Variants in TSPAN18 observed in about 807,000 individuals in gnomAD.
The protein encoded by TSPAN18 is tetraspanin 18, also known as tetraspanin-18.
Under a neutral mutation model 27.3 loss-of-function variants are expected in TSPAN18, and 14 were observed. The ratio of observed to expected loss-of-function variants is 0.51; its 90% confidence interval spans 0.34 to 0.80. The LOEUF (loss-of-function observed/expected upper bound fraction) is 0.80, where lower values mean the gene tolerates loss of function less well. TSPAN18 is among the 30% of genes least tolerant of loss of function. The pLI is 0.01. For missense variants in TSPAN18, 268 were observed against 323.9 expected, an observed-to-expected ratio of 0.83 and a Z score of 1.32; for synonymous variants, 143 against 136.5, an observed-to-expected ratio of 1.05 and a Z score of -0.33.
At chr11:44,871,337 T>G (rs963206202) in intron 3 of TSPAN18, among the ~76,000 whole-genome samples, 2 of 152,154 alleles carry the variant, frequency 1.3e-5, no homozygotes, top group Non-Finnish European at 2.9e-5. Context: ...AAGCAAGCTC[T>G]CCTGTCTTTT....
intron 2 of TSPAN18, among the ~76,000 whole-genome samples, chr11:44,810,335 T>C (rs189072430): frequency 6.6e-6 from 1 of 152,264 alleles, no homozygotes; most frequent in East Asian, 1.9e-4. Context: ...CTCTTCCTTC[T>C]CTATGGATTT....
At chr11:44,732,814 G>A (rs1464399034) in intron 1 of TSPAN18, among the ~76,000 whole-genome samples, 1 of 152,212 alleles carries the variant, frequency 6.6e-6, no homozygotes, top group African/African-American at 2.4e-5. Flanking sequence ...TTCCTTATCT[G>A]TGAAAATCAG....
At chr11:44,731,500 T>G (rs1457656765) in intron 1 of TSPAN18, among the ~76,000 whole-genome samples, 2 of 151,928 alleles carry the variant, frequency 1.3e-5, no homozygotes, top group Non-Finnish European at 2.9e-5. Context: ...TCAATAAGTG[T>G]TCACTATCAT....
intron 2 of TSPAN18, among the ~76,000 whole-genome samples, chr11:44,843,171 C>CA (rs1443855716): frequency 6.6e-6 from 1 of 152,112 alleles, no homozygotes; most frequent in Non-Finnish European, 1.5e-5. Flanking sequence ...GGACCTGCCC[C>CA]AATAATCACA....
At chr11:44,754,747 G>C (rs181434907) in intron 1 of TSPAN18, among the ~76,000 whole-genome samples, 5 of 152,228 alleles carry the variant, frequency 3.3e-5, no homozygotes, top group Admixed American at 3.3e-4. Flanking sequence ...TGAGCTGTGC[G>C]GTGTAGGAGA....
chr11:44,749,013 G>A (rs1207010501), intron 1 of TSPAN18, among the ~76,000 whole-genome samples: 1 of 152,226 alleles, frequency 6.6e-6, no homozygotes, highest in East Asian at 1.9e-4. Context: ...GGTGCATGGT[G>A]AGGCTAGGTA....
chr11:44,790,414 CAT>C (rs1491392441), intron 2 of TSPAN18, among the ~76,000 whole-genome samples: 7 of 120,894 alleles, frequency 5.8e-5, no homozygotes, highest in African/African-American at 1.6e-4. Flanking sequence ...TACGTGTGTG[CAT>C]GTGTGTGCAT....
chr11:44,929,499 C>T lies in TSPAN18; in HGVS notation c.*321C>T, dbSNP rs1410922392. 2.8e-6 allele frequency: 1 copy of T among 354,570 alleles called. No individual in the cohort carries two copies. The highest frequency in any genetic ancestry group is 5.1e-6 in the Non-Finnish European group (1 of 195,788). 22.0% of individuals were successfully genotyped at this position (354,570 alleles called of 1,614,324 possible). On this transcript the variant is annotated 3_prime_UTR_variant, in exon 10 of 10. Transcript: ENST00000520358. ...CAGCGCCCTCTTTGGTCCAGCCAGA[C>T]CCTGGGCCCTCTCTCCTCACTGCAC...
intron 2 of TSPAN18, among the ~76,000 whole-genome samples, chr11:44,819,933 G>T (rs1208634344): frequency 6.6e-6 from 1 of 152,108 alleles, no homozygotes; most frequent in African/African-American, 2.4e-5. Context: ...AAAGGGAGTT[G>T]ATTTGCTCAA....
At chr11:44,834,044 C>T (rs956765547) in intron 2 of TSPAN18, among the ~76,000 whole-genome samples, 2 of 151,652 alleles carry the variant, frequency 1.3e-5, no homozygotes, top group African/African-American at 4.9e-5. Flanking sequence ...TGCCCAGCTA[C>T]AAGCAGTCCC....
chr11:44,843,688 C>G (rs1857422669), intron 2 of TSPAN18, among the ~76,000 whole-genome samples: 1 of 152,194 alleles, frequency 6.6e-6, no homozygotes, highest in Admixed American at 6.5e-5. Context: ...GTTCAGAGAC[C>G]TACCCCTAGG....
chr11:44,908,806 A>AGAAAGAAAGAAG (rs1859586667), intron 4 of TSPAN18, among the ~76,000 whole-genome samples: 4 of 114,502 alleles, frequency 3.5e-5, no homozygotes, highest in Non-Finnish European at 7.1e-5. Flanking sequence ...AAAGAAAGAA[A>AGAAAGAAAGAAG]GAAAGAAAGA....
chr11:44,837,768 A>C (rs1490611672), intron 2 of TSPAN18, among the ~76,000 whole-genome samples: 1 of 152,254 alleles, frequency 6.6e-6, no homozygotes, highest in East Asian at 1.9e-4. Context: ...CAAAAACATT[A>C]CTACTTGCTG....
At chr11:44,916,179 C>T (rs1051273437) in intron 5 of TSPAN18, among the ~76,000 whole-genome samples, 7 of 152,182 alleles carry the variant, frequency 4.6e-5, no homozygotes, top group African/African-American at 7.2e-5. Flanking sequence ...CCTCCCGAGG[C>T]GCTCACTAAG....
Position 44,931,053 on chromosome 11 carries a change from C to T in TSPAN18, c.*1875C>T. The T allele has an allele frequency of 4.8e-6, 2 of 418,912 alleles. No individual in the cohort carries two copies. The highest frequency in any genetic ancestry group is 3.5e-5 in the South Asian group (2 of 57,246). 25.9% of individuals were successfully genotyped at this position (418,912 alleles called of 1,614,324 possible). A position where few individuals can be genotyped will look rare whatever the true frequency, so the allele number is the denominator to read the frequency against. Reference sequence around the variant, plus strand: ...CCTGCTGCAAAGATTCAGGTGGACCCTCCTCTAATCTCCTCCTGCTGTGCC... The same window carrying T: ...CCTGCTGCAAAGATTCAGGTGGACCTTCCTCTAATCTCCTCCTGCTGTGCC... On this transcript the variant is annotated 3_prime_UTR_variant, in exon 10 of 10. Transcript: ENST00000520358.
chr11:44,776,526 T>C (rs1855812256), intron 2 of TSPAN18, among the ~76,000 whole-genome samples: 1 of 152,060 alleles, frequency 6.6e-6, no homozygotes, highest in African/African-American at 2.4e-5. Flanking sequence ...AAAGGGAAAA[T>C]AGCACCTCTC....
intron 1 of TSPAN18, among the ~76,000 whole-genome samples, chr11:44,737,834 A>C (rs1393559495): frequency 2.6e-5 from 4 of 151,468 alleles, no homozygotes; most frequent in Non-Finnish European, 5.9e-5. Context: ...CCTCCCCTGG[A>C]CTGCTTTTTC....
At chr11:44,728,853 C>T (rs1854582980) in intron 1 of TSPAN18, among the ~76,000 whole-genome samples, 1 of 152,194 alleles carries the variant, frequency 6.6e-6, no homozygotes, top group Admixed American at 6.5e-5. Flanking sequence ...TCTTTCTCTC[C>T]AGTTCCCTCC....
chr11:44,920,902 G>A (rs1860107928), intron 8 of TSPAN18, among the ~76,000 whole-genome samples: 1 of 152,242 alleles, frequency 6.6e-6, no homozygotes, highest in South Asian at 2.1e-4. Context: ...ATTTCACATG[G>A]TCATGATTGC....
Sources: gnomAD v4.1 joint callset for allele counts (sites outside exome capture counted in the v4.1 genomes callset) on GRCh38, gnomAD v4.1.1 for gene constraint, MANE v1.5 for transcripts, NCBI Gene and HGNC (gene_info 2026-07-23, HGNC 2026-07-21) for gene names.